The following ARFGEF3 variants were observed in gnomAD, a reference collection of about 807,000 sequenced individuals.
The protein encoded by ARFGEF3 is brefeldin A-inhibited guanine nucleotide-exchange protein 3.
A neutral mutation model predicts 221.7 loss-of-function variants in ARFGEF3; 96 were observed. That is an observed-to-expected ratio of 0.43 (90% CI 0.37 to 0.51). The LOEUF (loss-of-function observed/expected upper bound fraction) is 0.51, where lower values mean the gene tolerates loss of function less well. Among genes scored for constraint, ARFGEF3 ranks in the 20% least tolerant of loss-of-function variants. ARFGEF3 has a pLI of 0.00. For missense variants in ARFGEF3, 2,410 were observed against 2,789.9 expected (o/e 0.86, Z 3.07); for synonymous variants, 1,145 against 1,126.8 (o/e 1.02, Z -0.32).
chr6:138,226,139 T>C (rs1274046011), intron 4 of ARFGEF3, among the ~76,000 whole-genome samples: 1 of 152,180 alleles, frequency 6.6e-6, no homozygotes, highest in Non-Finnish European at 1.5e-5. Context: ...CCCCCGATCA[T>C]GACCAGGACA....
At chr6:138,316,716 G>A (rs1257866626) in intron 26 of ARFGEF3, among the ~76,000 whole-genome samples, 1 of 152,184 alleles carries the variant, frequency 6.6e-6, no homozygotes, top group Non-Finnish European at 1.5e-5. Context: ...ACCAGGGACT[G>A]GAGCGAGGAA....
chr6:138,312,353 A>T (rs1242639876), intron 25 of ARFGEF3, among the ~76,000 whole-genome samples: 3 of 151,586 alleles, frequency 2.0e-5, no homozygotes, highest in Non-Finnish European at 4.4e-5. Context: ...CTCTTTGGGG[A>T]TCTATGTACA....
intron 1 of ARFGEF3, 51 bp from the exon 2 acceptor site, chr6:138,170,611 T>C: frequency 1.0e-6 from 1 of 959,950 alleles, no homozygotes. Flanking sequence ...GTACAATGTA[T>C]ATTCTCAGTG....
At chr6:138,198,261 T>G (rs1184943668) in intron 2 of ARFGEF3, among the ~76,000 whole-genome samples, 1 of 152,206 alleles carries the variant, frequency 6.6e-6, no homozygotes, top group Non-Finnish European at 1.5e-5. Context: ...CTAAAAAACC[T>G]TGAAAGCCTG....
Position 138,286,927 on chromosome 6 carries a change from G to T in ARFGEF3, c.2785+11G>T. 6.2e-7 allele frequency: 1 copy of T among 1,612,142 alleles called. No individual in the cohort carries two copies. The highest frequency in any genetic ancestry group is 8.5e-7 in the Non-Finnish European group (1 of 1,179,466). The stretch of plus-strand genomic sequence containing the variant: ...TGAGCTGCGCTCTAGGTACCAGCGG[G>T]AGTAGTGTTCCCTGGCCGTGGTCCT... On this transcript the variant is annotated intron_variant, in intron 16 of 33. Coordinates refer to ENST00000251691, the MANE Select transcript of ARFGEF3 (RefSeq NM_020340.5).
chr6:138,163,842 G>T (rs1260311394), intron 1 of ARFGEF3, among the ~76,000 whole-genome samples: 1 of 152,126 alleles, frequency 6.6e-6, no homozygotes, highest in Non-Finnish European at 1.5e-5. Flanking sequence ...AATAGTGCAG[G>T]GCATTCATTG....
Position 138,298,728 on chromosome 6 carries a change from C to G in ARFGEF3, c.3771C>G (p.Phe1257Leu). ...PPHFHFNEAL[F>L]RPFERIMQLE... ...ATTTTCACTTCAATGAAGCACTCTTCCGACCTTTCGAGCGCATTATGCAGC... is the reference window on the plus strand; with the variant it reads ...ATTTTCACTTCAATGAAGCACTCTTGCGACCTTTCGAGCGCATTATGCAGC... Residue 1257 changes from phenylalanine (F) to leucine (L), a missense_variant, in exon 22 of 34, where the codon TTC (phenylalanine) becomes TTG (leucine). Physicochemically the swap from Phe to Leu is conservative, Grantham distance 22. Coordinates refer to ENST00000251691, the MANE Select transcript of ARFGEF3 (RefSeq NM_020340.5). 1 of 1,613,560 alleles carries G rather than the reference C, an allele frequency of 6.2e-7. No individual in the cohort carries two copies. Among genetic ancestry groups the G allele is most frequent in the Non-Finnish European group, 8.5e-7 (1 of 1,179,736 alleles).
chr6:138,320,402 G>A (rs2114678694), intron 28 of ARFGEF3, among the ~76,000 whole-genome samples: 1 of 152,322 alleles, frequency 6.6e-6, no homozygotes, highest in East Asian at 1.9e-4. Context: ...GAAAGTGTGG[G>A]ATGGACAGTA....
rs759326928 is a variant in ARFGEF3 at position 138,336,253 on chromosome 6, C to T, written c.6343-42C>T. On this transcript the variant is annotated intron_variant, in intron 33 of 33. Transcript: ENST00000251691. ...CCACTCTCAAGTGTTCAAATAAAACCAGGGGGGAAAGCCACTGATTTTCTT... is the reference window on the plus strand; with the variant it reads ...CCACTCTCAAGTGTTCAAATAAAACTAGGGGGGAAAGCCACTGATTTTCTT... The T allele has an allele frequency of 4.9e-6, 7 of 1,441,640 alleles. No individual in the cohort carries two copies. In the African/African-American group the frequency reaches 8.7e-5, roughly 18 times the overall value. 89.3% of individuals were successfully genotyped at this position (1,441,640 alleles called of 1,614,324 possible).
chr6:138,307,078 TAATAC>T (rs1192928717), intron 22 of ARFGEF3, among the ~76,000 whole-genome samples, 170 bp from the exon 23 acceptor site: 1 of 152,230 alleles, frequency 6.6e-6, no homozygotes, highest in Non-Finnish European at 1.5e-5. Context: ...AAATGCAAAT[TAATAC>T]AATACGGCTG....
At chr6:138,209,887 C>G in intron 3 of ARFGEF3, 23 bp from the exon 4 acceptor site, 1 of 1,612,174 alleles carries the variant, frequency 6.2e-7, no homozygotes, top group Non-Finnish European at 8.5e-7. Context: ...TATCTGTGAT[C>G]ACTGCCTTGT....
At chr6:138,202,610 G>A (rs142203582) in intron 2 of ARFGEF3, among the ~76,000 whole-genome samples, 5 of 149,230 alleles carry the variant, frequency 3.4e-5, no homozygotes, top group East Asian at 2.0e-4. Flanking sequence ...TTTCATTCAC[G>A]TTGATTTTTG....
At position 138,162,857 on chromosome 6, in the gene ARFGEF3, C is replaced by T. The variant is rs909567009; in HGVS notation, c.85+686C>T. Among the ~76,000 whole-genome samples, 3 of 152,052 alleles carry T rather than the reference C, an allele frequency of 2.0e-5. No homozygotes were observed. Among genetic ancestry groups the T allele is most frequent in the Non-Finnish European group, 2.9e-5 (2 of 68,000 alleles). The stretch of plus-strand genomic sequence containing the variant: ...AAAACGGAAAGACATTTCAGTTAGG[C>T]GGGGTTTGGGCAATCAAAATGGTCA... On this transcript the variant is annotated intron_variant, in intron 1 of 33. Coordinates refer to ENST00000251691, the MANE Select transcript of ARFGEF3 (RefSeq NM_020340.5). This position sits in a 1 kb window ranked among gnomAD's most constrained non-coding sequence, Gnocchi z 4.7.
In ARFGEF3 at chr6:138,324,118, G is replaced by A. The variant is rs1583067835; in HGVS notation, c.4965G>A (p.Glu1655=). ...CCCCGTCCTCCTCCCCAAGTGCCGA[G>A]GCCGAGTACTGGCGCATCCGAGCCA... ...VAAPSSSPSA[E]AEYWRIRAMA... is the part of the protein sequence containing the mutation. The change falls in exon 31 of 34, where the codon GAG becomes GAA. Residue 1655 remains glutamate, a synonymous_variant. Transcript: ENST00000251691. 1.9e-6 allele frequency: 3 copies of A among 1,613,834 alleles called. No homozygotes were observed. The highest frequency in any genetic ancestry group is 3.3e-5 in the Admixed American group (2 of 60,028).
At chr6:138,191,105 G>C (rs1310196360) in intron 2 of ARFGEF3, among the ~76,000 whole-genome samples, 1 of 152,036 alleles carries the variant, frequency 6.6e-6, no homozygotes, top group Non-Finnish European at 1.5e-5. Flanking sequence ...AAAGTTCCTA[G>C]CTCACTGAGA....
intron 2 of ARFGEF3, among the ~76,000 whole-genome samples, chr6:138,171,748 A>G (rs528500477): frequency 1.3e-5 from 2 of 152,074 alleles, no homozygotes; most frequent in African/African-American, 4.8e-5. Context: ...TTTATTCACG[A>G]CTTTGTTGCC....
At chr6:138,320,963 G>A (rs1780014689) in intron 28 of ARFGEF3, 148 bp from the exon 29 acceptor site, 7 of 607,422 alleles carry the variant, frequency 1.2e-5, no homozygotes, top group South Asian at 6.1e-5. Context: ...GGCAGGAGGA[G>A]GATATGGCCA....
rs777236663 is a variant in ARFGEF3, at chr6:138,255,798, G to A, written c.1104+29G>A. ...AGGAGGCACTGGAGATCGCCACCAG[G>A]TTTACAAGGGGGCCTGACCAGCGTT... On this transcript the variant is annotated intron_variant, in intron 10 of 33. Transcript: ENST00000251691. 7 of 1,473,128 alleles carry A rather than the reference G, an allele frequency of 4.8e-6. No homozygotes were observed. In the African/African-American group the frequency reaches 9.8e-5, roughly 21 times the overall value. The allele number at this position is 1,473,128 out of a possible 1,614,324, so 91.3% of individuals were successfully genotyped here. A position where few individuals can be genotyped will look rare whatever the true frequency, so the allele number is the denominator to read the frequency against.
At chr6:138,218,155 G>T (rs774538801) in intron 4 of ARFGEF3, 1 of 1,613,948 alleles carries the variant, frequency 6.2e-7, no homozygotes, top group Non-Finnish European at 8.5e-7. Flanking sequence ...AAGGGTGTGA[G>T]AATTGCATGG....
Sources: allele counts gnomAD v4.1 joint callset (sites outside exome capture counted in the v4.1 genomes callset), GRCh38; gene constraint gnomAD v4.1.1; non-coding constraint Gnocchi (gnomAD v3.1); transcripts MANE v1.5; gene names NCBI Gene and HGNC (gene_info 2026-07-23, HGNC 2026-07-21).